Variants in FGF19 observed in about 807,000 individuals in gnomAD.
The protein encoded by FGF19 is fibroblast growth factor 19, also known as FGF-19.
Under a neutral mutation model 8.9 loss-of-function variants are expected in FGF19, and 5 were observed. The ratio of observed to expected loss-of-function variants is 0.56; its 90% CI spans 0.29 to 1.18. FGF19 has a LOEUF of 1.18. Ranked by LOEUF, FGF19 falls within the 50% of genes most tolerant of loss-of-function variation. The pLI, the probability that FGF19 is intolerant of heterozygous loss-of-function variation, is 0.08. For synonymous variants in FGF19, 124 were observed against 128.0 expected, an observed-to-expected ratio of 0.97 and a Z score of 0.21; for missense variants, 237 against 293.9, an observed-to-expected ratio of 0.81 and a Z score of 1.42.
chr11:69,700,280 C>A lies in FGF19; in HGVS notation c.337-704G>T, dbSNP rs535566114. On this transcript the variant is annotated intron_variant, in intron 2 of 2. Coordinates refer to ENST00000294312, the MANE Select transcript of FGF19 (RefSeq NM_005117.3). ...TTATATAGATATACATGCACACAGA[C>A]AAAACTGAGGTTTATTATTTCATAT... Among the ~76,000 whole-genome samples the A allele has an allele frequency of 4.6e-5, 7 of 151,972 alleles. No individual in the cohort carries two copies. The East Asian group carries it at 1.2e-3, about 25-fold the overall frequency.
chr11:69,700,097 AC>A (rs1247478180), intron 2 of FGF19, among the ~76,000 whole-genome samples: 4 of 152,110 alleles, frequency 2.6e-5, no homozygotes, highest in East Asian at 1.9e-4. Context: ...TCAAAAAAAA[AC>A]AAAACAAAAA....
intron 2 of FGF19, among the ~76,000 whole-genome samples, chr11:69,701,652 A>G (rs1056007285): frequency 2.5e-4 from 36 of 146,660 alleles, no homozygotes; most frequent in African/African-American, 7.0e-4. Flanking sequence ...CTGTTAGACC[A>G]TGCACAGGGG....
chr11:69,703,548 TA>T lies in FGF19; in HGVS notation c.232+96del. On this transcript the variant is annotated intron_variant, in intron 1 of 2. Transcript: ENST00000294312. This position sits in a 1 kb window ranked among gnomAD's most constrained non-coding sequence, Gnocchi z 6.8. ...AGGAGTTGAGGGGTCCGCAGGAGCC[TA>T]AGGGTGGCAAAGGAAGGAAGGGCGC... is the stretch of plus-strand genomic sequence containing the variant. 1.3e-6 allele frequency: 1 copy of T among 746,104 alleles called. No homozygotes were observed. The highest frequency in any genetic ancestry group is 1.8e-6 in the Non-Finnish European group (1 of 551,484). 46.2% of individuals were successfully genotyped at this position (746,104 alleles called of 1,614,324 possible). A position where few individuals can be genotyped will look rare whatever the true frequency, so the allele number is the denominator to read the frequency against.
rs1016564218 is a variant in FGF19 at position 69,699,013 on chromosome 11, C to G, written c.*249G>C. ...AGTGCAGCAGCTTGTCCAGCAACCT[C>G]GAGGGAGCAGAATGGGGGCCCAGGC... is the stretch of plus-strand genomic sequence containing the variant. On this transcript the variant is annotated 3_prime_UTR_variant, in exon 3 of 3. Transcript: ENST00000294312. 2.0e-6 allele frequency: 1 copy of G among 497,338 alleles called. No individual in the cohort carries two copies. Among genetic ancestry groups the G allele is most frequent in the Non-Finnish European group, 3.6e-6 (1 of 280,758 alleles). 30.8% of individuals were successfully genotyped at this position (497,338 alleles called of 1,614,324 possible). A position where few individuals can be genotyped will look rare whatever the true frequency, so the allele number is the denominator to read the frequency against.
intron 2 of FGF19, among the ~76,000 whole-genome samples, chr11:69,701,363 C>T (rs962271699): frequency 6.6e-6 from 1 of 151,908 alleles, no homozygotes. Context: ...GCACTTTGGG[C>T]GGCTGAGGCA....
At position 69,698,305 on chromosome 11, in the gene FGF19, A is replaced by G. The variant is rs543959862; in HGVS notation, c.*957T>C. 5.6e-6 allele frequency: 1 copy of G among 179,392 alleles called. No homozygotes were observed. Among genetic ancestry groups the G allele is most frequent in the African/African-American group, 2.4e-5 (1 of 42,476 alleles). 11.1% of individuals were successfully genotyped at this position (179,392 alleles called of 1,614,324 possible). Reference sequence around the variant, plus strand: ...ACATACATAAATATAATTTGGGGGCATAAATAATGTAAGAAAATAAGAGAT... The same window carrying G: ...ACATACATAAATATAATTTGGGGGCGTAAATAATGTAAGAAAATAAGAGAT... On this transcript the variant is annotated 3_prime_UTR_variant, in exon 3 of 3. Transcript: ENST00000294312.
In FGF19 at chr11:69,699,387, G is replaced by A; in HGVS notation, c.526C>T (p.Pro176Ser). ...TCCAAGTGGCCCCTGAGGTCCTCAGGCTCCTCTGGGACCATGGGCAGCATG... is the reference window on the plus strand; with the variant it reads ...TCCAAGTGGCCCCTGAGGTCCTCAGACTCCTCTGGGACCATGGGCAGCATG... Reference protein sequence around the residue: ...LPMLPMVPEEPEDLRGHLESD... With the variant: ...LPMLPMVPEESEDLRGHLESD... The change falls in exon 3 of 3, where the codon CCT becomes TCT. Residue 176 changes from proline to serine, a missense_variant. Physicochemically the swap from Pro to Ser is moderately conservative, Grantham distance 74. Transcript: ENST00000294312. The A allele has an allele frequency of 6.2e-7, 1 of 1,614,212 alleles. No homozygotes were observed. The highest frequency in any genetic ancestry group is 8.5e-7 in the Non-Finnish European group (1 of 1,180,032).
At position 69,703,246 on chromosome 11, in the gene FGF19, C is replaced by T. The variant is rs571752517; in HGVS notation, c.336+15G>A. 2.5e-6 allele frequency: 4 copies of T among 1,569,638 alleles called. No individual in the cohort carries two copies. Among genetic ancestry groups the T allele is most frequent in the Non-Finnish European group, 3.5e-6 (4 of 1,153,756 alleles). On this transcript the variant is annotated intron_variant, in intron 2 of 2. Transcript: ENST00000294312. This position sits in a 1 kb window ranked among gnomAD's most constrained non-coding sequence, Gnocchi z 6.8. ...GTCCCCCGCCCCGGCGCATCCGCCC[C>T]GTGGGGACACTTACCAGCCCCTGCA...
Position 69,699,171 on chromosome 11 carries a change from G to A in FGF19, c.*91C>T. Reference sequence around the variant, plus strand: ...TTCTTCCTAAAGCTAAACAGAACGTGGACTCAGGACTGTTCTTGTAGAAGC... The same window carrying A: ...TTCTTCCTAAAGCTAAACAGAACGTAGACTCAGGACTGTTCTTGTAGAAGC... On this transcript the variant is annotated 3_prime_UTR_variant, in exon 3 of 3. Transcript: ENST00000294312. 1 of 872,664 alleles carries A rather than the reference G, an allele frequency of 1.1e-6. No individual in the cohort carries two copies. Among genetic ancestry groups the A allele is most frequent in the Non-Finnish European group, 1.7e-6 (1 of 572,122 alleles). The allele number at this position is 872,664 out of a possible 1,614,324, so 54.1% of individuals were successfully genotyped here.
At chr11:69,699,792 A>C (rs1455392475) in intron 2 of FGF19, among the ~76,000 whole-genome samples, 1 of 152,160 alleles carries the variant, frequency 6.6e-6, no homozygotes, top group African/African-American at 2.4e-5. Flanking sequence ...TATAATATAT[A>C]ATGTACTTTA....
Position 69,702,570 on chromosome 11 carries a change from G to C in FGF19, c.336+691C>G, listed in dbSNP as rs1313991261. 6.6e-6 allele frequency among the ~76,000 whole-genome samples: 1 copy of C among 151,884 alleles called. No homozygotes were observed. Among genetic ancestry groups the C allele is most frequent in the Admixed American group, 6.5e-5 (1 of 15,284 alleles). ...CCAGCGCTCGTACACTTCCGGCCCC[G>C]GGACCTCTGCGGTTACCTGGGCCTT... On this transcript the variant is annotated intron_variant, in intron 2 of 2. Transcript: ENST00000294312. The surrounding 1 kb of genome is among the most constrained non-coding windows in gnomAD (Gnocchi z 4.6).
rs774757875 is a variant in FGF19 at position 69,703,391 on chromosome 11, C to A, written c.233-27G>T. 8 of 1,549,066 alleles carry A rather than the reference C, an allele frequency of 5.2e-6. No homozygotes were observed. The highest frequency in any genetic ancestry group is 7.0e-6 in the Non-Finnish European group (8 of 1,136,204). Reference sequence around the variant, plus strand: ...TAGGCGCAGGGGAAGCGAGAAGCTGCAGCAAGGACCGCTGGGCCCGCACCA... The same window carrying A: ...TAGGCGCAGGGGAAGCGAGAAGCTGAAGCAAGGACCGCTGGGCCCGCACCA... On this transcript the variant is annotated intron_variant, in intron 1 of 2. Transcript: ENST00000294312. This position sits in a 1 kb window ranked among gnomAD's most constrained non-coding sequence, Gnocchi z 6.8.
At position 69,699,505 on chromosome 11, in the gene FGF19, G is replaced by C; in HGVS notation, c.408C>G (p.Ser136=). Reference sequence around the variant, plus strand: ...GGGAGACCGGGAGGCGGTGCTTCTCGGATCGGTACACATTGTAGCCATCTG... The same window carrying C: ...GGGAGACCGGGAGGCGGTGCTTCTCCGATCGGTACACATTGTAGCCATCTG... ...IRPDGYNVYR[S]EKHRLPVSLS... is the part of the protein sequence containing the mutation. Residue 136 remains serine (S), a synonymous_variant, in exon 3 of 3, where the codon TCC becomes TCG. Coordinates refer to ENST00000294312, the MANE Select transcript of FGF19 (RefSeq NM_005117.3). 6.2e-7 allele frequency: 1 copy of C among 1,614,120 alleles called. No homozygotes were observed. The highest frequency in any genetic ancestry group is 8.5e-7 in the Non-Finnish European group (1 of 1,180,010).
chr11:69,702,000 G>A, intron 2 of FGF19, among the ~76,000 whole-genome samples: 1 of 125,812 alleles, frequency 7.9e-6, no homozygotes, highest in Non-Finnish European at 1.7e-5. Flanking sequence ...AAAAGGCACA[G>A]AGGGATTTCA....
In FGF19 at chr11:69,698,788, A is replaced by G. The variant is rs182385577; in HGVS notation, c.*474T>C. 10 of 217,318 alleles carry G rather than the reference A, an allele frequency of 4.6e-5. No individual in the cohort carries two copies. The highest frequency in any genetic ancestry group is 5.1e-5 in the Admixed American group (1 of 19,522). The allele number at this position is 217,318 out of a possible 1,614,324, so 13.5% of individuals were successfully genotyped here. ...TCCCTGGAAGTAGAGATATAGATCA[A>G]TTCCCACATGGGGTTGAGTGAAATT... On this transcript the variant is annotated 3_prime_UTR_variant, in exon 3 of 3. Coordinates refer to ENST00000294312, the MANE Select transcript of FGF19 (RefSeq NM_005117.3).
At chr11:69,701,434 T>C (rs1164757752) in intron 2 of FGF19, among the ~76,000 whole-genome samples, 3 of 151,108 alleles carry the variant, frequency 2.0e-5, no homozygotes, top group Non-Finnish European at 4.4e-5. Context: ...ACCTCATCTC[T>C]ACTAAAAATA....
Position 69,703,134 on chromosome 11 carries a change from G to T in FGF19, c.336+127C>A. 1 of 570,644 alleles carries T rather than the reference G, an allele frequency of 1.8e-6. No individual in the cohort carries two copies. Among genetic ancestry groups the T allele is most frequent in the Non-Finnish European group, 3.0e-6 (1 of 327,914 alleles). 35.3% of individuals were successfully genotyped at this position (570,644 alleles called of 1,614,324 possible). A position where few individuals can be genotyped will look rare whatever the true frequency, so the allele number is the denominator to read the frequency against. On this transcript the variant is annotated intron_variant, in intron 2 of 2. Transcript: ENST00000294312. This position sits in a 1 kb window ranked among gnomAD's most constrained non-coding sequence, Gnocchi z 6.8. The stretch of plus-strand genomic sequence containing the variant: ...TGCAATCTTTCCCTCGAAGTTGCAC[G>T]CGGGTCTGGGCGGAGGAGGCGAGGA...
Position 69,703,580 on chromosome 11 carries a change from T to C in FGF19, c.232+65A>G, listed in dbSNP as rs1175268838. 26 of 468,714 alleles carry C rather than the reference T, an allele frequency of 5.5e-5. No individual in the cohort carries two copies. The highest frequency in any genetic ancestry group is 4.5e-4 in the Admixed American group (1 of 2,216). The allele number at this position is 468,714 out of a possible 1,614,324, so 29.0% of individuals were successfully genotyped here. On this transcript the variant is annotated intron_variant, in intron 1 of 2. Coordinates refer to ENST00000294312, the MANE Select transcript of FGF19 (RefSeq NM_005117.3). This position sits in a 1 kb window ranked among gnomAD's most constrained non-coding sequence, Gnocchi z 6.8. ...GGCAAAGGAAGGAAGGGCGCTGGGG[T>C]GGGGCGCGCGCAGCGGGGTGGGGTG...
At chr11:69,700,985 G>C (rs966455407) in intron 2 of FGF19, among the ~76,000 whole-genome samples, 2 of 152,258 alleles carry the variant, frequency 1.3e-5, no homozygotes, top group African/African-American at 4.8e-5. Flanking sequence ...CCTCAGTCAG[G>C]TTCCTGCCTA....
Sources: gnomAD v4.1 joint callset for allele counts (sites outside exome capture counted in the v4.1 genomes callset) on GRCh38, gnomAD v4.1.1 for gene constraint, Gnocchi (gnomAD v3.1) non-coding constraint, MANE v1.5 for transcripts, NCBI Gene and HGNC (gene_info 2026-07-23, HGNC 2026-07-21) for gene names.